Variants in PRKCA observed in about 807,000 individuals in gnomAD.
PRKCA encodes protein kinase C alpha type.
A neutral mutation model predicts 87.0 loss-of-function variants in PRKCA; 27 were observed. The observed-to-expected ratio is 0.31, with a 90% confidence interval of 0.23 to 0.43. The LOEUF is 0.43. PRKCA is among the 20% of genes least tolerant of loss of function. The probability of loss-of-function intolerance (pLI) is 1.00; values close to 1 mark genes in which losing one functional copy is unlikely to be tolerated. For synonymous variants in PRKCA, 329 were observed against 311.1 expected (o/e 1.06, Z -0.61); for missense variants, 518 against 852.3 (o/e 0.61, Z 4.88).
intron 8 of PRKCA, among the ~76,000 whole-genome samples, chr17:66,709,107 C>G (rs1461596601): frequency 4.6e-5 from 7 of 152,090 alleles, no homozygotes; most frequent in African/African-American, 1.4e-4. Flanking sequence ...CTCCTCTGTT[C>G]AGGTTCAGGG....
chr17:66,646,581 A>G (rs574347290), intron 5 of PRKCA, among the ~76,000 whole-genome samples: 20 of 152,328 alleles, frequency 1.3e-4, no homozygotes, highest in African/African-American at 4.3e-4. Context: ...ATAAACATGG[A>G]AAGACTGATG....
intron 5 of PRKCA, among the ~76,000 whole-genome samples, chr17:66,652,537 A>G (rs957840681): frequency 1.3e-5 from 2 of 151,780 alleles, no homozygotes; most frequent in African/African-American, 4.9e-5. Flanking sequence ...CAACAAAAGC[A>G]AAAAAACAGA....
chr17:66,649,819 A>G (rs900888665), intron 5 of PRKCA, among the ~76,000 whole-genome samples: 1 of 152,178 alleles, frequency 6.6e-6, no homozygotes, highest in Non-Finnish European at 1.5e-5. Context: ...ATTAAATACC[A>G]AGTACATGGT....
intron 2 of PRKCA, among the ~76,000 whole-genome samples, chr17:66,408,683 A>G (rs1039471642): frequency 3.3e-5 from 5 of 152,224 alleles, no homozygotes; most frequent in South Asian, 2.1e-4. Context: ...ATAAGAGCAG[A>G]AAAAGAGGTC....
intron 14 of PRKCA, among the ~76,000 whole-genome samples, chr17:66,783,593 T>C (rs1437140393): frequency 2.6e-5 from 4 of 152,234 alleles, no homozygotes; most frequent in Non-Finnish European, 4.4e-5. Flanking sequence ...GTAGGTGTGG[T>C]AGGCCAGTGC....
At chr17:66,797,913 C>A (rs1041740406) in intron 16 of PRKCA, among the ~76,000 whole-genome samples, 2 of 152,236 alleles carry the variant, frequency 1.3e-5, no homozygotes, top group Non-Finnish European at 2.9e-5. Context: ...ACAGTGCGCA[C>A]CCAGCCCAGT....
chr17:66,738,699 G>T, intron 10 of PRKCA, 65 bp from the exon 11 acceptor site: 1 of 1,303,050 alleles, frequency 7.7e-7, no homozygotes, highest in Middle Eastern at 1.8e-4. Context: ...CACAACCTGT[G>T]AAGAGCAAAG....
At chr17:66,568,826 A>G (rs1055177238) in intron 3 of PRKCA, among the ~76,000 whole-genome samples, 3 of 152,174 alleles carry the variant, frequency 2.0e-5, no homozygotes, top group Admixed American at 2.0e-4. Flanking sequence ...TTACACTTCC[A>G]TGTTCCTAAA....
chr17:66,731,625 A>C (rs1036095929), intron 8 of PRKCA, among the ~76,000 whole-genome samples: 2 of 151,592 alleles, frequency 1.3e-5, no homozygotes, highest in Non-Finnish European at 2.9e-5. Flanking sequence ...GAGCCCTTTT[A>C]CCTTTTGCCT....
At chr17:66,391,023 C>T (rs1910330410) in intron 2 of PRKCA, among the ~76,000 whole-genome samples, 1 of 152,130 alleles carries the variant, frequency 6.6e-6, no homozygotes, top group Non-Finnish European at 1.5e-5. Flanking sequence ...AGAGATTTTC[C>T]ATTTTGACAG....
chr17:66,701,979 A>G (rs1159769958), intron 8 of PRKCA, among the ~76,000 whole-genome samples: 1 of 152,184 alleles, frequency 6.6e-6, no homozygotes, highest in Admixed American at 6.5e-5. Flanking sequence ...TCCAAAGGAA[A>G]TAAAAATCAC....
intron 8 of PRKCA, among the ~76,000 whole-genome samples, chr17:66,726,346 A>C (rs2144178844): frequency 6.6e-6 from 1 of 152,342 alleles, no homozygotes; most frequent in East Asian, 1.9e-4. Context: ...TGGAAATTCC[A>C]GAGAAACCAA....
chr17:66,443,070 C>A (rs1051625283), intron 2 of PRKCA, among the ~76,000 whole-genome samples: 1 of 152,178 alleles, frequency 6.6e-6, no homozygotes, highest in East Asian at 1.9e-4. Context: ...CTTGGACTCC[C>A]GTTGGTTAGT....
chr17:66,338,587 A>G (rs75932072), intron 2 of PRKCA, among the ~76,000 whole-genome samples: 2,352 of 152,174 alleles, frequency 0.015, 46 homozygotes, highest in East Asian at 0.11. Context: ...CCCCCCACTC[A>G]TTTTAAACAT....
chr17:66,613,733 C>A (rs1182362930), intron 3 of PRKCA, among the ~76,000 whole-genome samples: 4 of 150,396 alleles, frequency 2.7e-5, no homozygotes, highest in African/African-American at 9.8e-5. Context: ...TGTAAGGACA[C>A]CAGTCATTGG....
At chr17:66,521,696 C>A (rs1967167353) in intron 3 of PRKCA, among the ~76,000 whole-genome samples, 2 of 152,108 alleles carry the variant, frequency 1.3e-5, no homozygotes, top group African/African-American at 4.8e-5. Context: ...GGACTTTATG[C>A]AGTAGGACTG....
chr17:66,465,724 G>C (rs1395445474), intron 2 of PRKCA, among the ~76,000 whole-genome samples: 4 of 152,116 alleles, frequency 2.6e-5, no homozygotes, highest in Admixed American at 6.6e-5. Context: ...TCTAACAGTA[G>C]ATCTGCATAG....
chr17:66,731,936 C>T (rs137862474), intron 8 of PRKCA, among the ~76,000 whole-genome samples: 2,339 of 151,056 alleles, frequency 0.015, 64 homozygotes, highest in African/African-American at 0.054. Flanking sequence ...ATTACAGGCA[C>T]GCACCACCAT....
intron 8 of PRKCA, among the ~76,000 whole-genome samples, chr17:66,725,499 G>A (rs1973723503): frequency 1.3e-5 from 2 of 152,032 alleles, no homozygotes; most frequent in South Asian, 4.2e-4. Context: ...GGCTAGTGAG[G>A]AAGACAGATC....
Sources: gnomAD v4.1 joint callset for allele counts (sites outside exome capture counted in the v4.1 genomes callset) on GRCh38, gnomAD v4.1.1 for gene constraint, MANE v1.5 for transcripts, NCBI Gene and HGNC (gene_info 2026-07-23, HGNC 2026-07-21) for gene names.